LCK: variants seen among roughly 807,000 people sequenced by gnomAD.
LCK encodes tyrosine-protein kinase Lck.
LCK carries 14 observed loss-of-function variants against 64.6 expected under a neutral mutation model. The observed-to-expected ratio is 0.22, with a 90% CI of 0.14 to 0.34. The LOEUF (loss-of-function observed/expected upper bound fraction) is 0.34, where lower values mean the gene tolerates loss of function less well. LCK is among the 10% of genes least tolerant of loss of function. The probability of loss-of-function intolerance (pLI) is 1.00; values close to 1 mark genes in which losing one functional copy is unlikely to be tolerated. For synonymous variants in LCK, 277 were observed against 263.6 expected, an observed-to-expected ratio of 1.05 and a Z score of -0.49; for missense variants, 434 against 668.1, an observed-to-expected ratio of 0.65 and a Z score of 3.86.
chr1:32,274,843 A>G, intron 3 of LCK, 25 bp downstream of exon 3: 1 of 1,613,920 alleles, frequency 6.2e-7, no homozygotes, highest in Non-Finnish European at 8.5e-7. Flanking sequence ...CAGGGCCTGA[A>G]AGACAAGGCC....
At position 32,274,764 on chromosome 1, in the gene LCK, C is replaced by T. The variant is rs139649211; in HGVS notation, c.133C>T (p.Arg45Trp). 4.4e-6 allele frequency: 7 copies of T among 1,605,720 alleles called. No homozygotes were observed. The Admixed American group carries it at 6.7e-5, about 15-fold the overall frequency. The change falls in exon 3 of 13, where the codon CGG becomes TGG. Residue 45 changes from arginine (R) to tryptophan (W), a missense_variant. Coordinates refer to ENST00000336890, the MANE Select transcript of LCK (RefSeq NM_005356.5). ...TLLIRNGSEVRDPLVTYEGSN... is the reference protein window; with the variant it reads ...TLLIRNGSEVWDPLVTYEGSN... ...GCTCATCCGAAATGGCTCTGAGGTG[C>T]GGGACCCACTGGTTACCTACGAAGG...
intron 1 of LCK, among the ~76,000 whole-genome samples, chr1:32,258,760 C>T (rs372054367): frequency 1.7e-4 from 25 of 144,340 alleles, no homozygotes; most frequent in African/African-American, 5.4e-4. Context: ...GCTGAGATCA[C>T]GTCACTGCAC....
intron 12 of LCK, among the ~76,000 whole-genome samples, chr1:32,280,961 G>T (rs1342784169): frequency 6.6e-6 from 1 of 151,978 alleles, no homozygotes; most frequent in African/African-American, 2.4e-5. Context: ...AAGAGACTAG[G>T]CCAGGTACAG....
At chr1:32,253,909 A>C (rs1224069875) in intron 1 of LCK, among the ~76,000 whole-genome samples, 2 of 152,060 alleles carry the variant, frequency 1.3e-5, no homozygotes. Context: ...GGGAAAATCT[A>C]CGTGTACAGA....
At chr1:32,268,125 C>T (rs1181674110) in intron 1 of LCK, among the ~76,000 whole-genome samples, 2 of 149,934 alleles carry the variant, frequency 1.3e-5, no homozygotes, top group African/African-American at 2.5e-5. Flanking sequence ...ACCCAGGAGG[C>T]GGAGGTTGCA....
intron 1 of LCK, among the ~76,000 whole-genome samples, chr1:32,272,833 T>A (rs1640135434): frequency 7.2e-6 from 1 of 139,086 alleles, no homozygotes; most frequent in East Asian, 2.2e-4. Context: ...TGTGGGGGTA[T>A]CTATGGAGGG....
At chr1:32,261,867 C>T (rs993964333) in intron 1 of LCK, among the ~76,000 whole-genome samples, 2 of 146,424 alleles carry the variant, frequency 1.4e-5, no homozygotes, top group Middle Eastern at 6.9e-3. Flanking sequence ...GCAGGAGAAT[C>T]GCTTGAACCT....
chr1:32,269,601 T>C (rs1354189042), intron 1 of LCK: 1 of 151,162 alleles, frequency 6.6e-6, no homozygotes, highest in Non-Finnish European at 1.5e-5. Context: ...GCCCAGCTAA[T>C]TTTTGTATTT....
At chr1:32,282,962 C>T (rs867081876) in intron 12 of LCK, among the ~76,000 whole-genome samples, 15 of 152,050 alleles carry the variant, frequency 9.9e-5, no homozygotes, top group Middle Eastern at 6.8e-3. Context: ...GTGTTTAGTT[C>T]CGTGGCCTAT....
In LCK at chr1:32,285,657, C is replaced by A. The variant is rs771899555; in HGVS notation, c.1471C>A (p.Arg491Ser). The change falls in exon 13 of 13, where the codon CGC (arginine) becomes AGC (serine). Residue 491 changes from arginine (R) to serine (S), a missense_variant. Physicochemically the swap from Arg to Ser is moderately radical, Grantham distance 110 (BLOSUM62 -1). This residue lies in a region of LCK where 201 missense variants were observed against 376.9 expected (regional missense o/e 0.53). Transcript: ENST00000336890. Reference protein sequence around the residue: ...PEDRPTFDYLRSVLEDFFTAT... With the variant: ...PEDRPTFDYLSSVLEDFFTAT... The stretch of plus-strand genomic sequence containing the variant: ...GGACCGGCCCACCTTTGACTACCTG[C>A]GCAGTGTGCTGGAGGACTTCTTCAC... 6.2e-7 allele frequency: 1 copy of A among 1,613,860 alleles called. No individual in the cohort carries two copies. Among genetic ancestry groups the A allele is most frequent in the Non-Finnish European group, 8.5e-7 (1 of 1,179,942 alleles).
chr1:32,282,411 C>CA (rs1053141338), intron 12 of LCK, among the ~76,000 whole-genome samples: 2 of 151,954 alleles, frequency 1.3e-5, no homozygotes, highest in African/African-American at 4.8e-5. Flanking sequence ...GTGGGGGACC[C>CA]AAAAAAACAG....
rs574068480 is a variant in LCK, at chr1:32,274,583, G to A, written c.105+149G>A. The A allele has an allele frequency of 2.0e-5, 18 of 891,432 alleles. No individual in the cohort carries two copies. The South Asian group carries it at 2.9e-4, about 14-fold the overall frequency. The allele number at this position is 891,432 out of a possible 1,614,324, so 55.2% of individuals were successfully genotyped here. A position where few individuals can be genotyped will look rare whatever the true frequency, so the allele number is the denominator to read the frequency against. On this transcript the variant is annotated intron_variant, in intron 2 of 12. Coordinates refer to ENST00000336890, the MANE Select transcript of LCK (RefSeq NM_005356.5). ...AGGAAAAGAGGCCCAGAGAGGGGAA[G>A]GGAATCTCCTAAGATCACACAGAAA...
Position 32,271,760 on chromosome 1 carries a change from C to T in LCK, c.-5-2565C>T, listed in dbSNP as rs185801444. Among the ~76,000 whole-genome samples, 34 of 152,312 alleles carry T rather than the reference C, an allele frequency of 2.2e-4. No homozygotes were observed. In the East Asian group the frequency reaches 6.2e-3, roughly 28 times the overall value. On this transcript the variant is annotated intron_variant, in intron 1 of 12. Transcript: ENST00000336890. ...CTCTATGCATTAACACTGCATGTTC[C>T]AGTTGACATTTATTAACTAATTTTG...
At chr1:32,266,754 TCCTCC>T (rs1473346039) in intron 1 of LCK, among the ~76,000 whole-genome samples, 1 of 4,854 alleles carries the variant, frequency 2.1e-4, no homozygotes, top group African/African-American at 1.4e-3. Context: ...CTCTTCCCCC[TCCTCC>T]CCTCCCCCTC....
Position 32,285,878 on chromosome 1 carries a change from T to G in LCK, c.*162T>G, listed in dbSNP as rs1051670214. On this transcript the variant is annotated 3_prime_UTR_variant, in exon 13 of 13. Transcript: ENST00000336890. ...GCACCTTGTGTCTGTACACGTGTCCTGTAGTTGCGTGGACTCTGCACATGT... is the reference window on the plus strand; with the variant it reads ...GCACCTTGTGTCTGTACACGTGTCCGGTAGTTGCGTGGACTCTGCACATGT... 4 of 693,428 alleles carry G rather than the reference T, an allele frequency of 5.8e-6. No individual in the cohort carries two copies. In the African/African-American group the frequency reaches 7.1e-5, roughly 12 times the overall value. 43.0% of individuals were successfully genotyped at this position (693,428 alleles called of 1,614,324 possible).
chr1:32,253,091 C>T (rs1245538371), intron 1 of LCK, among the ~76,000 whole-genome samples: 1 of 152,160 alleles, frequency 6.6e-6, no homozygotes, highest in African/African-American at 2.4e-5. Flanking sequence ...TCAAGCTGGG[C>T]ACGGTGGCTC....
chr1:32,281,122 C>T (rs1388068913), intron 12 of LCK, among the ~76,000 whole-genome samples: 1 of 151,836 alleles, frequency 6.6e-6, no homozygotes, highest in Non-Finnish European at 1.5e-5. Context: ...GCCTCTAGTC[C>T]CAGCTACTCA....
chr1:32,275,678 C>G lies in LCK; in HGVS notation c.481+6C>G, dbSNP rs1206017487. On this transcript the variant is annotated splice_donor_region_variant and intron_variant, in intron 6 of 12. Coordinates refer to ENST00000336890, the MANE Select transcript of LCK (RefSeq NM_005356.5). This position sits in a 1 kb window ranked among gnomAD's most constrained non-coding sequence, Gnocchi z 6.9. ...GGAGAGCGAGAGCACCGCGGGTGAG[C>G]GGGCGGCGGTCTCGACCGGGCGCGG... 22 of 1,555,902 alleles carry G rather than the reference C, an allele frequency of 1.4e-5. No individual in the cohort carries two copies. The highest frequency in any genetic ancestry group is 1.7e-5 in the Non-Finnish European group (20 of 1,151,948).
intron 9 of LCK, among the ~76,000 whole-genome samples, chr1:32,277,386 C>G (rs965905168): frequency 1.3e-5 from 2 of 152,072 alleles, no homozygotes; most frequent in Non-Finnish European, 2.9e-5. Flanking sequence ...CTACCTTGAT[C>G]TCAGGATGCT....
Sources: gnomAD v4.1 joint callset for allele counts (sites outside exome capture counted in the v4.1 genomes callset) on GRCh38, gnomAD v4.1.1 for gene constraint, gnomAD v4.1.1 regional missense constraint, Gnocchi (gnomAD v3.1) non-coding constraint, MANE v1.5 for transcripts, NCBI Gene and HGNC (gene_info 2026-07-23, HGNC 2026-07-21) for gene names.